PCDHA2: variants seen among roughly 807,000 people sequenced by gnomAD.
PCDHA2 encodes the protein protocadherin alpha 2, also known as protocadherin alpha-2.
Under a neutral mutation model 66.0 loss-of-function variants are expected in PCDHA2, and 58 were observed. The observed-to-expected ratio is 0.88, with a 90% confidence interval of 0.71 to 1.09. PCDHA2 has a LOEUF of 1.09. Ranked by LOEUF, PCDHA2 falls within the 50% of genes least tolerant of loss-of-function variation. The probability of loss-of-function intolerance (pLI) is 0.00; values close to 1 mark genes in which losing one functional copy is unlikely to be tolerated. For synonymous variants in PCDHA2, 634 were observed against 554.0 expected, an observed-to-expected ratio of 1.14 and a Z score of -2.03; for missense variants, 1,267 against 1,242.3, an observed-to-expected ratio of 1.02 and a Z score of -0.30.
intron 1 of PCDHA2, among the ~76,000 whole-genome samples, chr5:140,920,816 C>A (rs1170521844): frequency 6.6e-6 from 1 of 150,790 alleles, no homozygotes; most frequent in East Asian, 1.9e-4. Flanking sequence ...TGCACTCCAG[C>A]CTGGCGACGG....
At chr5:140,879,329 T>A (rs2057946411) in intron 1 of PCDHA2, among the ~76,000 whole-genome samples, 1 of 152,182 alleles carries the variant, frequency 6.6e-6, no homozygotes, top group Non-Finnish European at 1.5e-5. Context: ...ACTTTTTTAG[T>A]TTGTTCAGCT....
intron 1 of PCDHA2, chr5:140,805,632 T>C: frequency 1.1e-6 from 1 of 893,872 alleles, no homozygotes; most frequent in Non-Finnish European, 1.3e-6. Flanking sequence ...TGTATTGTGG[T>C]TTATTTATTG....
chr5:140,836,895 A>G (rs1339036250), intron 1 of PCDHA2: 1 of 615,448 alleles, frequency 1.6e-6, no homozygotes, highest in African/African-American at 1.9e-5. Context: ...ATTTGGAAGT[A>G]CGTTTAATAT....
intron 1 of PCDHA2, chr5:140,927,627 T>G (rs145171269): frequency 6.2e-7 from 1 of 1,614,180 alleles, no homozygotes; most frequent in Non-Finnish European, 8.5e-7. Context: ...TTCCAGAGAC[T>G]GCACCCAATG....
At chr5:140,980,173 G>GA (rs2096879198) in intron 2 of PCDHA2, among the ~76,000 whole-genome samples, 1 of 152,162 alleles carries the variant, frequency 6.6e-6, no homozygotes, top group Non-Finnish European at 1.5e-5. Flanking sequence ...GGTATCAGAA[G>GA]AAATTCTTTA....
intron 3 of PCDHA2, among the ~76,000 whole-genome samples, chr5:141,000,396 T>TCTATAA (rs2097916207): frequency 7.7e-5 from 5 of 65,332 alleles, no homozygotes; most frequent in African/African-American, 3.1e-4. Context: ...TCTCTCTCTC[T>TCTATAA]ATATATATAT....
chr5:140,979,292 C>T (rs1449910823), intron 2 of PCDHA2, among the ~76,000 whole-genome samples: 1 of 151,814 alleles, frequency 6.6e-6, no homozygotes, highest in African/African-American at 2.4e-5. Flanking sequence ...GTAATTTCAA[C>T]CTCCTTCATC....
chr5:140,871,152 G>A (rs376980257), intron 1 of PCDHA2: 4 of 1,613,318 alleles, frequency 2.5e-6, no homozygotes, highest in South Asian at 1.1e-5. Context: ...GGACTTTGGC[G>A]GGCGCCGCGA....
At chr5:140,822,547 A>T (rs61730633) in intron 1 of PCDHA2, 2 of 1,613,680 alleles carry the variant, frequency 1.2e-6, no homozygotes, top group Non-Finnish European at 1.7e-6. Context: ...ACCAAGTGGG[A>T]CATTAGTTAT....
chr5:140,914,944 CTTT>C (rs35695909), intron 1 of PCDHA2, among the ~76,000 whole-genome samples: 73 of 128,234 alleles, frequency 5.7e-4, no homozygotes, highest in African/African-American at 1.8e-3. Flanking sequence ...GAAAAGTTGT[CTTT>C]TTTTTTTTTT....
intron 1 of PCDHA2, among the ~76,000 whole-genome samples, chr5:140,938,877 A>ACACACACACACACAGATG (rs2092241507): frequency 1.3e-5 from 2 of 150,854 alleles, no homozygotes; most frequent in South Asian, 4.2e-4. Context: ...TTAAGAAGCA[A>ACACACACACACACAGATG]CACACACACA....
intron 3 of PCDHA2, among the ~76,000 whole-genome samples, chr5:141,007,680 C>G (rs1179621299): frequency 1.3e-5 from 2 of 152,148 alleles, no homozygotes; most frequent in African/African-American, 4.8e-5. Flanking sequence ...CAAAAGTTAT[C>G]CTACTTCCAC....
At chr5:140,876,164 C>G in intron 1 of PCDHA2, 5 of 1,613,950 alleles carry the variant, frequency 3.1e-6, no homozygotes, top group Non-Finnish European at 4.2e-6. Context: ...ATTCAAATAA[C>G]CGTCCTGGAT....
Position 140,849,019 on chromosome 5 carries a change from A to G in PCDHA2, c.2388+51667A>G, listed in dbSNP as rs144148683. On this transcript the variant is annotated intron_variant, in intron 1 of 3. Coordinates refer to ENST00000526136, the MANE Select transcript of PCDHA2 (RefSeq NM_018905.3). ...CTGCTCACTTACAGACTGAGCCCCA[A>G]TGAGTATTTCTTCCTGGACGTGCCA... 14,073 of 1,587,530 alleles carry G rather than the reference A, an allele frequency of 8.9e-3. 240 individuals carry two copies. Among genetic ancestry groups the G allele is most frequent in the Non-Finnish European group, 0.011 (13,037 of 1,163,614 alleles).
chr5:140,992,154 C>T (rs2097495252), intron 3 of PCDHA2, among the ~76,000 whole-genome samples: 1 of 151,952 alleles, frequency 6.6e-6, no homozygotes. Flanking sequence ...TTTGCTCAAT[C>T]AAGAAGTGTG....
chr5:140,926,915 T>A, intron 1 of PCDHA2: 1 of 1,563,726 alleles, frequency 6.4e-7, no homozygotes, highest in Non-Finnish European at 8.7e-7. Flanking sequence ...GGGGTGGCAG[T>A]TTTATGTTTG....
At chr5:140,924,670 C>A (rs2081947196) in intron 1 of PCDHA2, among the ~76,000 whole-genome samples, 1 of 151,926 alleles carries the variant, frequency 6.6e-6, no homozygotes, top group African/African-American at 2.4e-5. Flanking sequence ...CGAGGCAGGC[C>A]AATCACTTGA....
At chr5:140,853,895 TG>T in intron 1 of PCDHA2, 1 of 971,706 alleles carries the variant, frequency 1.0e-6, no homozygotes, top group Non-Finnish European at 1.2e-6. Flanking sequence ...TAAAAAGATG[TG>T]GTGGCCTGAC....
chr5:140,960,588 T>A (rs2095557494), intron 1 of PCDHA2, among the ~76,000 whole-genome samples: 1 of 152,166 alleles, frequency 6.6e-6, no homozygotes, highest in African/African-American at 2.4e-5. Flanking sequence ...ACAGTTCAAA[T>A]TCAAGGTACT....
Sources: allele counts gnomAD v4.1 joint callset (sites outside exome capture counted in the v4.1 genomes callset), GRCh38; gene constraint gnomAD v4.1.1; transcripts MANE v1.5; gene names NCBI Gene and HGNC (gene_info 2026-07-23, HGNC 2026-07-21).